The following NPAS3 variants were observed in gnomAD, a reference collection of about 807,000 sequenced individuals.
The protein encoded by NPAS3 is neuronal PAS domain protein 3.
Under a neutral mutation model 73.1 loss-of-function variants are expected in NPAS3, and 14 were observed. The observed-to-expected ratio is 0.19, with a 90% CI of 0.13 to 0.30. The LOEUF is 0.30. NPAS3 is among the 10% of genes least tolerant of loss of function. NPAS3 has a pLI of 1.00. For synonymous variants in NPAS3, 620 were observed against 541.5 expected (o/e 1.14, Z -2.01); for missense variants, 1,096 against 1,250.0 (o/e 0.88, Z 1.86).
At chr14:33,749,014 GAA>G in intron 7 of NPAS3, among the ~76,000 whole-genome samples, 1 of 152,302 alleles carries the variant, frequency 6.6e-6, no homozygotes, top group Admixed American at 6.5e-5. Context: ...CGCCATGAGG[GAA>G]AAGAGGTCTG....
At chr14:32,935,046 G>T, upstream of NPAS3, 2 of 1,184,028 alleles carry the variant, frequency 1.7e-6, no homozygotes, top group Non-Finnish European at 2.1e-6. Flanking sequence ...CCCGCCCCGG[G>T]GTGCTGGGGT....
chr14:33,072,328 A>T (rs2041513681), intron 2 of NPAS3, among the ~76,000 whole-genome samples: 1 of 152,224 alleles, frequency 6.6e-6, no homozygotes, highest in South Asian at 2.1e-4. Flanking sequence ...TTAAAATTTC[A>T]TTTAGAAAAC....
At chr14:33,165,709 T>G (rs17393729) in intron 2 of NPAS3, among the ~76,000 whole-genome samples, 4,341 of 152,218 alleles carry the variant, frequency 0.029, 201 homozygotes, top group African/African-American at 0.1. Flanking sequence ...TCCTCTCTTT[T>G]TTTTTTTAAG....
intron 2 of NPAS3, among the ~76,000 whole-genome samples, chr14:33,077,570 C>T (rs942899062): frequency 6.6e-6 from 1 of 151,968 alleles, no homozygotes; most frequent in South Asian, 2.1e-4. Flanking sequence ...CAAATTGCAC[C>T]GTATCAAGAA....
chr14:33,275,665 C>T (rs1247226844), intron 3 of NPAS3, among the ~76,000 whole-genome samples: 5 of 151,946 alleles, frequency 3.3e-5, no homozygotes, highest in African/African-American at 1.2e-4. Context: ...GACCTGTCTA[C>T]TCACAGTATT....
chr14:33,610,290 T>C (rs1249003825), intron 5 of NPAS3, among the ~76,000 whole-genome samples: 6 of 152,210 alleles, frequency 3.9e-5, no homozygotes, highest in Admixed American at 2.6e-4. Context: ...TGCCTCTCTT[T>C]TGAGTATAGA....
chr14:33,180,204 C>G (rs2045740660), intron 2 of NPAS3, among the ~76,000 whole-genome samples: 1 of 151,756 alleles, frequency 6.6e-6, no homozygotes, highest in South Asian at 2.1e-4. Context: ...TACCCCAACT[C>G]TCGTACCTGG....
intron 2 of NPAS3, among the ~76,000 whole-genome samples, chr14:33,060,111 T>C (rs1378074531): frequency 6.6e-6 from 1 of 152,154 alleles, no homozygotes. Flanking sequence ...AAAATATTCA[T>C]AGACATGAGA....
At position 33,585,009 on chromosome 14, in the gene NPAS3, T is replaced by A. The variant is rs148819539; in HGVS notation, c.558+24799T>A. ...AAATGTAAAAAGGTGTTCCAGAAGT[T>A]TTAGAATAAAGTTCTGCAGCATTGA... On this transcript the variant is annotated intron_variant, in intron 5 of 11. Transcript: ENST00000356141. Among the ~76,000 whole-genome samples, 60 of 152,198 alleles carry A rather than the reference T, an allele frequency of 3.9e-4. 1 individual carries two copies. Among genetic ancestry groups the A allele is most frequent in the African/African-American group, 1.3e-3 (56 of 41,534 alleles).
chr14:33,264,155 A>G (rs917250043), intron 3 of NPAS3, among the ~76,000 whole-genome samples: 2 of 152,182 alleles, frequency 1.3e-5, no homozygotes, highest in Non-Finnish European at 2.9e-5. Context: ...CATCATTCTC[A>G]GCAAACGATT....
intron 3 of NPAS3, among the ~76,000 whole-genome samples, chr14:33,349,115 G>A (rs2044894756): frequency 6.6e-6 from 1 of 152,168 alleles, no homozygotes; most frequent in Non-Finnish European, 1.5e-5. Flanking sequence ...AATGAAATGT[G>A]GGGATTAACT....
intron 7 of NPAS3, among the ~76,000 whole-genome samples, chr14:33,755,528 G>T (rs193103765): frequency 1.8e-3 from 269 of 152,280 alleles, no homozygotes; most frequent in African/African-American, 6.2e-3. Context: ...CGGGGGAAAG[G>T]ATTATATAGG....
intron 3 of NPAS3, among the ~76,000 whole-genome samples, chr14:33,354,063 T>G (rs2045213362): frequency 6.6e-6 from 1 of 152,208 alleles, no homozygotes; most frequent in Non-Finnish European, 1.5e-5. Flanking sequence ...TTTCTCAGCT[T>G]TATCTAAACT....
At chr14:33,531,017 C>T (rs927677030) in intron 4 of NPAS3, among the ~76,000 whole-genome samples, 5 of 151,866 alleles carry the variant, frequency 3.3e-5, no homozygotes, top group African/African-American at 1.2e-4. Context: ...AAAATTGGTC[C>T]GGTGAAAACA....
chr14:33,465,745 T>C (rs1490869293), intron 4 of NPAS3, among the ~76,000 whole-genome samples: 1 of 152,192 alleles, frequency 6.6e-6, no homozygotes, highest in East Asian at 1.9e-4. Context: ...TCGCAAAACA[T>C]GCCTTTGATA....
chr14:33,604,012 TAAAA>T (rs533319213), intron 5 of NPAS3, among the ~76,000 whole-genome samples: 1 of 142,522 alleles, frequency 7.0e-6, no homozygotes, highest in Non-Finnish European at 1.5e-5. Context: ...CTAAAACAAC[TAAAA>T]AAAAAACAAA....
intron 1 of NPAS3, among the ~76,000 whole-genome samples, chr14:33,011,411 C>T (rs187968375): frequency 1.2e-4 from 18 of 152,176 alleles, no homozygotes; most frequent in Admixed American, 2.6e-4. Context: ...CAGACTGAGA[C>T]GATGTAGACA....
chr14:33,710,755 C>T (rs973561181), intron 6 of NPAS3, among the ~76,000 whole-genome samples: 1 of 152,194 alleles, frequency 6.6e-6, no homozygotes, highest in African/African-American at 2.4e-5. Context: ...CTAGTGCTAA[C>T]TTTTATTTAT....
intron 4 of NPAS3, among the ~76,000 whole-genome samples, chr14:33,423,932 A>G (rs1396407195): frequency 6.6e-6 from 1 of 151,994 alleles, no homozygotes; most frequent in Non-Finnish European, 1.5e-5. Flanking sequence ...TTCTTCAAAA[A>G]TTGAATATTT....
Sources: allele counts gnomAD v4.1 joint callset (sites outside exome capture counted in the v4.1 genomes callset), GRCh38; gene constraint gnomAD v4.1.1; transcripts MANE v1.5; gene names NCBI Gene and HGNC (gene_info 2026-07-23, HGNC 2026-07-21).